Variants in IL13RA2 observed in about 807,000 individuals in gnomAD.
IL13RA2 encodes the protein interleukin 13 receptor subunit alpha 2, also known as interleukin-13 receptor subunit alpha-2.
Under a neutral mutation model 34.1 loss-of-function variants are expected in IL13RA2, and 25 were observed. That is an observed-to-expected ratio of 0.73 (90% confidence interval 0.53 to 1.03). The LOEUF (loss-of-function observed/expected upper bound fraction) is 1.03. Ranked by LOEUF, IL13RA2 falls within the 50% of genes least tolerant of loss-of-function variation. The probability of loss-of-function intolerance (pLI) is 0.00; values close to 1 mark genes in which losing one functional copy is unlikely to be tolerated. For missense variants in IL13RA2, 297 were observed against 280.9 expected (o/e 1.06, Z -0.41); for synonymous variants, 106 against 100.4 (o/e 1.06, Z -0.33).
In IL13RA2 at chrX:115,004,015, A is replaced by G. The variant is rs1336697817; in HGVS notation, c.*65T>C. The G allele has an allele frequency of 4.8e-6, 3 of 631,464 alleles. No individual in the cohort carries two copies. The East Asian group carries it at 1.0e-4, about 21-fold the overall frequency. 52.0% of individuals were successfully genotyped at this position (631,464 alleles called of 1,213,427 possible). A position where few individuals can be genotyped will look rare whatever the true frequency, so the allele number is the denominator to read the frequency against. The stretch of plus-strand genomic sequence containing the variant: ...AAAAATTCAGTTTATTGAGACTCAT[A>G]TTGAACATTTGGCCATGACTGGAAA... On this transcript the variant is annotated 3_prime_UTR_variant, in exon 10 of 10. Coordinates refer to ENST00000243213, the MANE Select transcript of IL13RA2 (RefSeq NM_000640.3).
intron 7 of IL13RA2, 63 bp from the exon 8 acceptor site, chrX:115,008,139 T>C (rs2071692433): frequency 1.4e-6 from 1 of 727,044 alleles, no homozygotes; most frequent in African/African-American, 2.1e-5. Flanking sequence ...ACAGATTCCA[T>C]ATCTGTCCCT....
At chrX:115,005,442 A>G (rs2071681687) in intron 8 of IL13RA2, 127 bp from the exon 9 acceptor site, 5 of 498,536 alleles carry the variant, frequency 1.0e-5, no homozygotes, top group Non-Finnish European at 1.8e-5. Context: ...TTGCCAGTGC[A>G]TAAATACCAC....
chrX:115,008,073 C>G lies in IL13RA2; in HGVS notation c.856G>C (p.Ala286Pro), dbSNP rs868923597. The G allele has an allele frequency of 3.5e-6, 4 of 1,152,310 alleles. No individual in the cohort carries two copies. The highest frequency in any genetic ancestry group is 2.4e-4 in the Middle Eastern group (1 of 4,190). The allele number at this position is 1,152,310 out of a possible 1,213,427, so 95.0% of individuals were successfully genotyped here. A position where few individuals can be genotyped will look rare whatever the true frequency, so the allele number is the denominator to read the frequency against. Residue 286 changes from alanine to proline, a missense_variant, in exon 8 of 10, where the codon GCT becomes CCT. Transcript: ENST00000243213. ...IREDDTTLVTATVENETYTLK... is the reference protein window; with the variant it reads ...IREDDTTLVTPTVENETYTLK... The stretch of plus-strand genomic sequence containing the variant: ...GTGTATGTTTCATTTTCAACTGTAG[C>G]AGTCTGAAAGCCAAGGACAAAATCA...
chrX:115,016,265 CGTATA>C (rs1556509997), intron 2 of IL13RA2, among the ~76,000 whole-genome samples: 2 of 110,565 alleles, frequency 1.8e-5, no homozygotes, highest in African/African-American at 6.6e-5. Flanking sequence ...TAAAAACCAA[CGTATA>C]GTAAAGAGTT....
rs1176275772 is a variant in IL13RA2 at position 115,007,961 on chromosome X, C to T, written c.968G>A (p.Ser323Asn). ...NIYCSDDGIW[S>N]EWSDKQCWEG... Reference sequence around the variant, plus strand: ...CCAGCATTGTTTATCACTCCACTCACTCCAAATTCCGTCATCTGAGCAATA... The same window carrying T: ...CCAGCATTGTTTATCACTCCACTCATTCCAAATTCCGTCATCTGAGCAATA... Residue 323 changes from serine (S) to asparagine (N), a missense_variant, in exon 8 of 10, where the codon AGT becomes AAT. Ser to Asn is a conservative substitution (Grantham distance 46). Coordinates refer to ENST00000243213, the MANE Select transcript of IL13RA2 (RefSeq NM_000640.3). 1.5e-5 allele frequency: 17 copies of T among 1,133,411 alleles called. No homozygotes were observed. The highest frequency in any genetic ancestry group is 5.5e-5 in the South Asian group (3 of 54,447). The allele number at this position is 1,133,411 out of a possible 1,213,427, so 93.4% of individuals were successfully genotyped here. A position where few individuals can be genotyped will look rare whatever the true frequency, so the allele number is the denominator to read the frequency against.
chrX:115,013,335 T>G (rs1176617202), intron 5 of IL13RA2, among the ~76,000 whole-genome samples: 1 of 110,981 alleles, frequency 9.0e-6, no homozygotes, highest in Admixed American at 9.6e-5. Flanking sequence ...CATGTTACCC[T>G]AAAACAATTA....
At chrX:115,005,011 T>C (rs1333103005) in intron 9 of IL13RA2, among the ~76,000 whole-genome samples, 186 bp downstream of exon 9, 3 of 112,998 alleles carry the variant, frequency 2.7e-5, no homozygotes, top group African/African-American at 6.4e-5. Context: ...CAAAATGAAG[T>C]CTTGTAAGCT....
At chrX:115,012,261 A>G (rs2071708546) in intron 5 of IL13RA2, among the ~76,000 whole-genome samples, 1 of 112,033 alleles carries the variant, frequency 8.9e-6, no homozygotes, top group Non-Finnish European at 1.9e-5. Context: ...ATTACCTATC[A>G]GTTTATCAGT....
At position 115,014,431 on chromosome X, in the gene IL13RA2, T is replaced by C. The variant is rs2071718467; in HGVS notation, c.390A>G (p.Ile130Met). ...QSSWAETTYW[I>M]SPQGIPETKV... Reference sequence around the variant, plus strand: ...GAGCTTTGTTTTAACCTTGTGGTGATATCCAATAAGTAGTTTCTGCCCAGG... The same window carrying C: ...GAGCTTTGTTTTAACCTTGTGGTGACATCCAATAAGTAGTTTCTGCCCAGG... The change falls in exon 4 of 10, where the codon ATA (isoleucine) becomes ATG (methionine). Residue 130 changes from isoleucine (I) to methionine (M), a missense_variant. Coordinates refer to ENST00000243213, the MANE Select transcript of IL13RA2 (RefSeq NM_000640.3). 1.7e-6 allele frequency: 2 copies of C among 1,183,152 alleles called. No homozygotes were observed. The highest frequency in any genetic ancestry group is 3.7e-5 in the South Asian group (2 of 54,034).
rs191854615 is a variant in IL13RA2 at position 115,005,236 on chromosome X, G to A, written c.1077C>T (p.Thr359=). Residue 359 remains threonine, a synonymous_variant, in exon 9 of 10, where the codon ACC becomes ACT. Transcript: ENST00000243213. ...TGTTTGGCTTACGCAAAAGCAGACC[G>A]GTTACAAATATAACTAATATTAAGA... is the stretch of plus-strand genomic sequence containing the variant. ...GFILILVIFV[T]GLLLRKPNTY... is the part of the protein sequence containing the mutation. 6.7e-5 allele frequency: 76 copies of A among 1,128,562 alleles called. No homozygotes were observed. The highest frequency in any genetic ancestry group is 2.4e-4 in the Middle Eastern group (1 of 4,127). 93.0% of individuals were successfully genotyped at this position (1,128,562 alleles called of 1,213,427 possible).
chrX:115,005,222 C>T lies in IL13RA2; in HGVS notation c.1091G>A (p.Arg364His), dbSNP rs377188116. 1.2e-4 allele frequency: 127 copies of T among 1,063,822 alleles called. 1 individual carries two copies. Among genetic ancestry groups the T allele is most frequent in the Non-Finnish European group, 1.5e-4 (117 of 761,506 alleles). 87.7% of individuals were successfully genotyped at this position (1,063,822 alleles called of 1,213,427 possible). Residue 364 changes from arginine (R) to histidine (H), a missense_variant, in exon 9 of 10, where the codon CGT (arginine) becomes CAT (histidine). By Grantham distance (29) the Arg-to-His change is conservative. Transcript: ENST00000243213. Reference protein sequence around the residue: ...LVIFVTGLLLRKPNTYPKMIP... With the variant: ...LVIFVTGLLLHKPNTYPKMIP... Reference sequence around the variant, plus strand: ...CATTTTTGGGTAGGTGTTTGGCTTACGCAAAAGCAGACCGGTTACAAATAT... The same window carrying T: ...CATTTTTGGGTAGGTGTTTGGCTTATGCAAAAGCAGACCGGTTACAAATAT...
intron 4 of IL13RA2, 90 bp from the exon 5 acceptor site, chrX:115,013,979 C>T: frequency 3.3e-6 from 2 of 614,516 alleles, no homozygotes; most frequent in Non-Finnish European, 5.4e-6. Context: ...TTTCCTATGA[C>T]CTCTCCATTT....
intron 2 of IL13RA2, 26 bp from the exon 3 acceptor site, chrX:115,015,847 T>A (rs782191482): frequency 9.6e-7 from 1 of 1,045,573 alleles, no homozygotes; most frequent in Non-Finnish European, 1.3e-6. Context: ...AAAACACTTT[T>A]ATTTTTTCTG....
chrX:115,017,085 A>C, intron 2 of IL13RA2, 91 bp downstream of exon 2: 1 of 547,463 alleles, frequency 1.8e-6, no homozygotes, highest in South Asian at 2.7e-5. Flanking sequence ...CACTTCCATA[A>C]GGCAGGTCAA....
At position 115,004,246 on chromosome X, in the gene IL13RA2, C is replaced by G. The variant is rs1238774457; in HGVS notation, c.1117-140G>C. The G allele has an allele frequency of 1.0e-5, 4 of 394,187 alleles. No homozygotes were observed. The South Asian group carries it at 2.1e-4, about 21-fold the overall frequency. 32.5% of individuals were successfully genotyped at this position (394,187 alleles called of 1,213,427 possible). ...TATACACATTCACTTTTCTCTCTAT[C>G]TTGAAAAGATATGGCATTGAGATAT... On this transcript the variant is annotated intron_variant, in intron 9 of 9. Transcript: ENST00000243213.
intron 5 of IL13RA2, among the ~76,000 whole-genome samples, chrX:115,012,197 T>C (rs1234086400): frequency 8.9e-6 from 1 of 112,223 alleles, no homozygotes; most frequent in Non-Finnish European, 1.9e-5. Context: ...CCAATAGTAA[T>C]GCTTAGTCCT....
intron 5 of IL13RA2, among the ~76,000 whole-genome samples, chrX:115,011,551 C>T (rs2071705994): frequency 8.9e-6 from 1 of 112,240 alleles, no homozygotes; most frequent in African/African-American, 3.2e-5. Context: ...CAAACCATGA[C>T]ATTATCTGTA....
At position 115,009,618 on chromosome X, in the gene IL13RA2, C is replaced by T; in HGVS notation, c.755G>A (p.Cys252Tyr). 8.3e-7 allele frequency: 1 copy of T among 1,203,378 alleles called. No homozygotes were observed. Among genetic ancestry groups the T allele is most frequent in the Non-Finnish European group, 1.1e-6 (1 of 888,002 alleles). ...TATGCTCCATTTCAGCTTAATTTCA[C>T]ATGAACTCTCCCGAGTAAAAGTAAG... Reference protein sequence around the residue: ...VYLTFTRESSCEIKLKWSIPL... With the variant: ...VYLTFTRESSYEIKLKWSIPL... Residue 252 changes from cysteine (C) to tyrosine (Y), a missense_variant, in exon 7 of 10, where the codon TGT (cysteine) becomes TAT (tyrosine). Cys to Tyr is a radical substitution (Grantham distance 194). Coordinates refer to ENST00000243213, the MANE Select transcript of IL13RA2 (RefSeq NM_000640.3).
intron 4 of IL13RA2, among the ~76,000 whole-genome samples, chrX:115,014,156 G>T (rs1159691200): frequency 8.9e-6 from 1 of 111,909 alleles, no homozygotes; most frequent in East Asian, 2.8e-4. Context: ...GCTCTGAGCA[G>T]ATGAGCAAAT....
Sources: allele counts gnomAD v4.1 joint callset (sites outside exome capture counted in the v4.1 genomes callset), GRCh38; gene constraint gnomAD v4.1.1; transcripts MANE v1.5; gene names NCBI Gene and HGNC (gene_info 2026-07-23, HGNC 2026-07-21).